NBAS: variants seen among roughly 807,000 people sequenced by gnomAD.
NBAS encodes NBAS subunit of NRZ tethering complex.
NBAS carries 219 observed loss-of-function variants against 302.5 expected under a neutral mutation model. The observed-to-expected ratio is 0.72, with a 90% CI of 0.65 to 0.81. The LOEUF (loss-of-function observed/expected upper bound fraction) is 0.81. Among genes scored for constraint, NBAS ranks in the 30% least tolerant of loss-of-function variants. NBAS has a pLI of 0.00. For synonymous variants in NBAS, 1,118 were observed against 1,021.6 expected (o/e 1.09, Z -1.80); for missense variants, 2,932 against 2,841.6 (o/e 1.03, Z -0.72).
Position 15,419,288 on chromosome 2 carries a change from T to C in NBAS, c.2578-1576A>G, listed in dbSNP as rs1293793889. Among the ~76,000 whole-genome samples, 3 of 152,184 alleles carry C rather than the reference T, an allele frequency of 2.0e-5. No homozygotes were observed. The East Asian group carries it at 5.8e-4, about 29-fold the overall frequency. On this transcript the variant is annotated intron_variant, in intron 23 of 51. Transcript: ENST00000281513. The stretch of plus-strand genomic sequence containing the variant: ...AATTTGAGTAAAGAGGAGTCTAGAA[T>C]GATTTCTCATCTAATCCACAGCAGA...
At chr2:14,988,903 T>C in the NBAS span, among the ~76,000 whole-genome samples, 3,047 of 152,242 alleles carry the variant, frequency 0.02, 102 homozygotes, top group East Asian at 0.096. Context: ...GCCTACTTGA[T>C]AAAGTGAGGT....
intron 48 of NBAS, among the ~76,000 whole-genome samples, chr2:15,204,352 C>A (rs773313886): frequency 2.0e-5 from 3 of 152,012 alleles, no homozygotes; most frequent in Admixed American, 1.3e-4. Flanking sequence ...TTGTACTCTA[C>A]CCAGTAATTT....
At chr2:14,792,692 A>T in the NBAS span, among the ~76,000 whole-genome samples, 2 of 152,094 alleles carry the variant, frequency 1.3e-5, no homozygotes, top group African/African-American at 4.8e-5. Context: ...AAAAATCGTA[A>T]ATAGGACCTA....
At chr2:15,379,494 T>C (rs1674923474) in intron 30 of NBAS, 108 bp downstream of exon 30, 1 of 1,123,516 alleles carries the variant, frequency 8.9e-7, no homozygotes, top group Admixed American at 2.0e-5. Flanking sequence ...TATAGTGTAG[T>C]CAATCTGTAC....
the NBAS span, among the ~76,000 whole-genome samples, chr2:14,843,166 C>A: frequency 6.6e-5 from 10 of 151,974 alleles, no homozygotes; most frequent in African/African-American, 2.4e-4. Context: ...AGGAACACAC[C>A]TAAAAATAAT....
chr2:15,295,604 G>C (rs1054593613), intron 40 of NBAS, among the ~76,000 whole-genome samples: 1 of 152,190 alleles, frequency 6.6e-6, no homozygotes, highest in Non-Finnish European at 1.5e-5. Flanking sequence ...TTATGGAATT[G>C]GCTAAAAGCC....
intron 47 of NBAS, among the ~76,000 whole-genome samples, chr2:15,228,943 A>G (rs1667256661): frequency 6.6e-6 from 1 of 152,220 alleles, no homozygotes; most frequent in African/African-American, 2.4e-5. Context: ...CATGTATTGT[A>G]TATTTCAAGA....
the NBAS span, among the ~76,000 whole-genome samples, chr2:15,132,298 T>C: frequency 2.0e-5 from 3 of 152,342 alleles, no homozygotes; most frequent in Non-Finnish European, 2.9e-5. Context: ...TTTATGTACA[T>C]ACTTCTAAGT....
chr2:15,280,565 C>T (rs535012812), intron 42 of NBAS, among the ~76,000 whole-genome samples: 1 of 152,168 alleles, frequency 6.6e-6, no homozygotes, highest in South Asian at 2.1e-4. Context: ...AGACAAAAAT[C>T]ACACAACTAG....
chr2:14,796,228 G>C, the NBAS span, among the ~76,000 whole-genome samples: 3 of 152,204 alleles, frequency 2.0e-5, no homozygotes, highest in Non-Finnish European at 4.4e-5. Flanking sequence ...ACTATATGCT[G>C]CCTTGGTTAG....
At position 15,232,558 on chromosome 2, in the gene NBAS, T is replaced by G. The variant is rs777269292; in HGVS notation, c.6147-47A>C. On this transcript the variant is annotated intron_variant, in intron 46 of 51. Transcript: ENST00000281513. The stretch of plus-strand genomic sequence containing the variant: ...GATTCAGAAAAGGATCACTCAAGTC[T>G]CAGAAATAAACTTGGTATTCACACC... The G allele has an allele frequency of 1.2e-5, 19 of 1,573,638 alleles. No individual in the cohort carries two copies. In the Admixed American group the frequency reaches 1.8e-4, roughly 15 times the overall value.
chr2:15,184,569 G>T (rs1383010204), intron 50 of NBAS, among the ~76,000 whole-genome samples: 1 of 152,058 alleles, frequency 6.6e-6, no homozygotes, highest in East Asian at 1.9e-4. Flanking sequence ...AGAATCTTGT[G>T]CCACCACTGA....
chr2:15,280,202 T>A lies in NBAS; in HGVS notation c.5139-3101A>T, dbSNP rs1427378475. 3.3e-5 allele frequency among the ~76,000 whole-genome samples: 5 copies of A among 152,322 alleles called. No individual in the cohort carries two copies. The East Asian group carries it at 9.6e-4, about 29-fold the overall frequency. The stretch of plus-strand genomic sequence containing the variant: ...GATGTCAGTCACCCAAAAATGTGAT[T>A]CAAGAACATCATGTATTGAAAGGAC... On this transcript the variant is annotated intron_variant, in intron 42 of 51. Coordinates refer to ENST00000281513, the MANE Select transcript of NBAS (RefSeq NM_015909.4).
intron 25 of NBAS, among the ~76,000 whole-genome samples, chr2:15,403,864 C>CGCGT (rs1553305902): frequency 7.4e-6 from 1 of 135,412 alleles, no homozygotes; most frequent in Admixed American, 7.5e-5. Flanking sequence ...TTCCTTCCTT[C>CGCGT]GTGTGTGTGT....
At chr2:15,207,646 C>T (rs996922272) in intron 48 of NBAS, among the ~76,000 whole-genome samples, 2 of 152,046 alleles carry the variant, frequency 1.3e-5, no homozygotes, top group Non-Finnish European at 2.9e-5. Context: ...TGGACTTCCC[C>T]CTTGCTGTTC....
At chr2:14,881,515 A>AT in the NBAS span, among the ~76,000 whole-genome samples, 14 of 152,194 alleles carry the variant, frequency 9.2e-5, no homozygotes, top group Non-Finnish European at 1.9e-4. Flanking sequence ...TCTAAAAACA[A>AT]TTTTCAAAAA....
At chr2:14,858,203 C>T in the NBAS span, among the ~76,000 whole-genome samples, 1 of 152,126 alleles carries the variant, frequency 6.6e-6, no homozygotes, top group Non-Finnish European at 1.5e-5. Context: ...CCCTTGTACA[C>T]TGTTGGTGGG....
the NBAS span, among the ~76,000 whole-genome samples, chr2:14,979,513 G>A: frequency 7.2e-5 from 11 of 152,190 alleles, no homozygotes; most frequent in Admixed American, 5.2e-4. Flanking sequence ...GTACTTTACA[G>A]ATAAGGAAAT....
the NBAS span, among the ~76,000 whole-genome samples, chr2:14,831,860 T>C: frequency 6.6e-6 from 1 of 152,232 alleles, no homozygotes; most frequent in Non-Finnish European, 1.5e-5. Flanking sequence ...CTCCACATCA[T>C]GCCTGGTGCA....
Sources: gnomAD v4.1 joint callset for allele counts (sites outside exome capture counted in the v4.1 genomes callset) on GRCh38, gnomAD v4.1.1 for gene constraint, MANE v1.5 for transcripts, NCBI Gene and HGNC (gene_info 2026-07-23, HGNC 2026-07-21) for gene names.